Variants in LPP observed in about 807,000 individuals in gnomAD.
LPP encodes the protein lipoma-preferred partner.
In LPP, 38 loss-of-function variants were observed where a neutral mutation model predicts 60.4. The ratio of observed to expected loss-of-function variants is 0.63; its 90% CI spans 0.49 to 0.83. LPP has a LOEUF of 0.83. LPP is among the 40% of genes least tolerant of loss of function. LPP has a pLI of 0.00. For missense variants in LPP, 902 were observed against 783.6 expected (o/e 1.15, Z -1.80); for synonymous variants, 328 against 290.8 (o/e 1.13, Z -1.30).
chr3:188,556,796 C>T (rs1349464827), intron 6 of LPP, among the ~76,000 whole-genome samples: 2 of 149,668 alleles, frequency 1.3e-5, no homozygotes, highest in Non-Finnish European at 3.0e-5. Flanking sequence ...TTCTGAATGC[C>T]CTGGTGATTG....
chr3:188,354,429 G>C (rs900405241), intron 3 of LPP, among the ~76,000 whole-genome samples: 3 of 152,056 alleles, frequency 2.0e-5, no homozygotes. Context: ...TCTGTACTTT[G>C]TGTGCGTGTC....
intron 2 of LPP, among the ~76,000 whole-genome samples, chr3:188,303,789 A>G (rs1750681260): frequency 6.6e-6 from 1 of 152,114 alleles, no homozygotes; most frequent in African/African-American, 2.4e-5. Flanking sequence ...CTCCCTGGAG[A>G]TTCTGATTTT....
intron 8 of LPP, among the ~76,000 whole-genome samples, chr3:188,738,317 A>G (rs962292040): frequency 2.6e-5 from 4 of 152,150 alleles, no homozygotes; most frequent in East Asian, 1.9e-4. Flanking sequence ...AGCTCTTCAT[A>G]TGTGTTGCCT....
chr3:188,203,533 A>T lies in LPP; in HGVS notation c.-189-21872A>T, dbSNP rs1464008304. 9.1e-3 allele frequency among the ~76,000 whole-genome samples: 831 copies of T among 91,126 alleles called. 17 individuals are homozygous for T. The highest frequency in any genetic ancestry group is 0.013 in the Non-Finnish European group (682 of 52,672). The allele number at this position is 91,126 out of a possible 152,430, so 59.8% of individuals were successfully genotyped here. ...TATATTTAAATATATATAAATATAT[A>T]TTTAAATATATATATATTTTTAAAT... On this transcript the variant is annotated intron_variant, in intron 1 of 11. Transcript: ENST00000617246.
chr3:188,768,512 G>T (rs1734847564), intron 9 of LPP, among the ~76,000 whole-genome samples: 2 of 152,004 alleles, frequency 1.3e-5, no homozygotes. Context: ...CAAAATTTTA[G>T]AAAAACTAGT....
At chr3:188,520,538 C>G (rs138063553) in intron 5 of LPP, among the ~76,000 whole-genome samples, 27 of 152,330 alleles carry the variant, frequency 1.8e-4, no homozygotes, top group African/African-American at 6.5e-4. Context: ...ATTATGAGAA[C>G]TACAATTCAA....
Position 188,250,768 on chromosome 3 carries a change from TTCTTTCTTTCTTTCTTTCTG to T in LPP, c.-67+25249_-67+25268del, listed in dbSNP as rs1728988652. Among the ~76,000 whole-genome samples, 3 of 115,020 alleles carry T rather than the reference TTCTTTCTTTCTTTCTTTCTG, an allele frequency of 2.6e-5. No homozygotes were observed. The South Asian group carries it at 8.6e-4, about 33-fold the overall frequency. The allele number at this position is 115,020 out of a possible 152,430, so 75.5% of individuals were successfully genotyped here. On this transcript the variant is annotated intron_variant, in intron 2 of 11. Coordinates refer to ENST00000617246, the MANE Select transcript of LPP (RefSeq NM_001375462.1). ...TTTCTTTCTTTCTTTCTTTCTTTCT[TTCTTTCTTTCTTTCTTTCTG>T]TCTTTCTCTTTCTTTCTTTCTCTTT...
chr3:188,651,613 T>A (rs1420470501), intron 7 of LPP, among the ~76,000 whole-genome samples: 1 of 152,202 alleles, frequency 6.6e-6, no homozygotes, highest in Non-Finnish European at 1.5e-5. Flanking sequence ...TGGGGAGGTC[T>A]CACAGTCATG....
intron 5 of LPP, among the ~76,000 whole-genome samples, chr3:188,495,087 A>ATATATATATATT (rs1560478042): frequency 4.4e-4 from 10 of 22,624 alleles, no homozygotes; most frequent in African/African-American, 1.2e-3. Flanking sequence ...TATATATTTT[A>ATATATATATATT]TTTATATTTT....
At chr3:188,238,707 G>T (rs1437668138) in intron 2 of LPP, among the ~76,000 whole-genome samples, 2 of 152,054 alleles carry the variant, frequency 1.3e-5, no homozygotes, top group Non-Finnish European at 2.9e-5. Flanking sequence ...AAATAATTAT[G>T]ATAGTCACAT....
intron 7 of LPP, among the ~76,000 whole-genome samples, chr3:188,640,940 A>T (rs569252545): frequency 6.6e-6 from 1 of 152,346 alleles, no homozygotes; most frequent in East Asian, 1.9e-4. Flanking sequence ...TTTTTTCAGA[A>T]ACAGTAGAAC....
intron 1 of LPP, among the ~76,000 whole-genome samples, chr3:188,154,878 G>C (rs1018340893): frequency 6.6e-6 from 1 of 152,168 alleles, no homozygotes; most frequent in Non-Finnish European, 1.5e-5. Context: ...CGTGGACAAA[G>C]TTAAAGGAAG....
chr3:188,700,003 C>T lies in LPP; in HGVS notation c.1114-8264C>T, dbSNP rs555876513. On this transcript the variant is annotated intron_variant, in intron 7 of 11. Coordinates refer to ENST00000617246, the MANE Select transcript of LPP (RefSeq NM_001375462.1). Reference sequence around the variant, plus strand: ...TTCTGGCAGGCTTTCAGCTCTAAAACGGGGCTAATTCTACCTTTTGAAAAG... The same window carrying T: ...TTCTGGCAGGCTTTCAGCTCTAAAATGGGGCTAATTCTACCTTTTGAAAAG... Among the ~76,000 whole-genome samples, 49 of 152,170 alleles carry T rather than the reference C, an allele frequency of 3.2e-4. No individual in the cohort carries two copies. The South Asian group carries it at 6.2e-3, about 19-fold the overall frequency.
intron 4 of LPP, among the ~76,000 whole-genome samples, chr3:188,474,625 C>A (rs1230250969): frequency 1.3e-5 from 2 of 152,208 alleles, no homozygotes; most frequent in African/African-American, 4.8e-5. Flanking sequence ...TCTGTCAGCA[C>A]TCTGATATTT....
intron 4 of LPP, among the ~76,000 whole-genome samples, chr3:188,462,292 A>G (rs899620226): frequency 7.3e-5 from 11 of 151,490 alleles, no homozygotes; most frequent in Non-Finnish European, 1.2e-4. Flanking sequence ...CAGAGATACT[A>G]ACTAATGTAG....
At chr3:188,726,962 G>C (rs1370465922) in intron 8 of LPP, among the ~76,000 whole-genome samples, 1 of 152,130 alleles carries the variant, frequency 6.6e-6, no homozygotes, top group Non-Finnish European at 1.5e-5. Flanking sequence ...CACAGAATGG[G>C]ACCTTAGATT....
intron 6 of LPP, among the ~76,000 whole-genome samples, chr3:188,557,717 T>A (rs982248215): frequency 1.3e-5 from 2 of 152,140 alleles, no homozygotes; most frequent in Non-Finnish European, 2.9e-5. Context: ...TGAGGGAAAC[T>A]AGAGGTTGTA....
intron 2 of LPP, among the ~76,000 whole-genome samples, chr3:188,240,538 T>C (rs1724006615): frequency 6.6e-6 from 1 of 152,306 alleles, no homozygotes; most frequent in African/African-American, 2.4e-5. Context: ...AGGAAACTGA[T>C]GTGCCTAGAG....
At chr3:188,419,635 G>A (rs1787235697) in intron 4 of LPP, among the ~76,000 whole-genome samples, 1 of 152,230 alleles carries the variant, frequency 6.6e-6, no homozygotes, top group South Asian at 2.1e-4. Context: ...GCTCACGCCT[G>A]TAATCCCAGC....
Sources: gnomAD v4.1 joint callset for allele counts (sites outside exome capture counted in the v4.1 genomes callset) on GRCh38, gnomAD v4.1.1 for gene constraint, MANE v1.5 for transcripts, NCBI Gene and HGNC (gene_info 2026-07-23, HGNC 2026-07-21) for gene names.